Variants in INSL6 observed in about 807,000 individuals in gnomAD.
INSL6 encodes the protein insulin-like peptide INSL6.
INSL6 carries 16 observed loss-of-function variants against 9.4 expected under a neutral mutation model. The observed-to-expected ratio is 1.70, with a 90% CI of 1.15 to 2.59. INSL6 has a LOEUF of 2.59. INSL6 is among the 30% of genes most tolerant of loss of function. The pLI is 0.00. For missense variants in INSL6, 391 were observed against 257.3 expected (o/e 1.52, Z -3.56); for synonymous variants, 154 against 96.9 (o/e 1.59, Z -3.46).
At chr9:5,130,485 A>AT (rs1436942553) in intron 3 of INSL6, among the ~76,000 whole-genome samples, 3 of 152,194 alleles carry the variant, frequency 2.0e-5, no homozygotes, top group African/African-American at 7.2e-5. Flanking sequence ...GTTGCAGATG[A>AT]TAAGACTTGT....
At chr9:5,060,594 C>T in the INSL6 span, among the ~76,000 whole-genome samples, 1 of 152,224 alleles carries the variant, frequency 6.6e-6, no homozygotes, top group African/African-American at 2.4e-5. Context: ...AATTCAGTCA[C>T]ATCTTCAGCT....
chr9:5,028,038 G>A, the INSL6 span, among the ~76,000 whole-genome samples: 4 of 152,100 alleles, frequency 2.6e-5, no homozygotes, highest in African/African-American at 4.8e-5. Context: ...TTTTCATGAC[G>A]TCTAGAATGG....
the INSL6 span, chr9:5,112,663 G>A: frequency 4.2e-6 from 4 of 957,518 alleles, no homozygotes; most frequent in Non-Finnish European, 1.5e-6. Context: ...TCCTTATCCT[G>A]CACCAGGCCG....
At chr9:5,181,501 G>A (rs913599508) in intron 1 of INSL6, among the ~76,000 whole-genome samples, 30 of 151,890 alleles carry the variant, frequency 2.0e-4, no homozygotes. Flanking sequence ...ACCGAGACCA[G>A]AACTAAAAAT....
chr9:5,078,486 C>T, the INSL6 span: 22 of 1,532,384 alleles, frequency 1.4e-5, no homozygotes, highest in Non-Finnish European at 1.6e-5. Context: ...CTAAGCTTTA[C>T]TTGGGCAGTG....
At chr9:5,043,131 G>A in the INSL6 span, among the ~76,000 whole-genome samples, 2 of 152,222 alleles carry the variant, frequency 1.3e-5, no homozygotes, top group African/African-American at 4.8e-5. Context: ...ACCCAGCCCC[G>A]CAGGTGTATG....
At chr9:5,119,720 G>C (rs1274728710), downstream of INSL6, among the ~76,000 whole-genome samples, 1 of 151,996 alleles carries the variant, frequency 6.6e-6, no homozygotes, top group Non-Finnish European at 1.5e-5. Context: ...TGACTTTGGG[G>C]AATAATTAGA....
At chr9:5,131,796 T>C (rs1161654531) in intron 3 of INSL6, among the ~76,000 whole-genome samples, 1 of 152,194 alleles carries the variant, frequency 6.6e-6, no homozygotes, top group Admixed American at 6.5e-5. Context: ...GTGCAGGCTG[T>C]AGGGAGCCCA....
At chr9:4,998,938 CA>C in the INSL6 span, among the ~76,000 whole-genome samples, 3 of 151,872 alleles carry the variant, frequency 2.0e-5, no homozygotes, top group African/African-American at 7.3e-5. Context: ...TCTCCTGCCT[CA>C]GCCTCCGGAG....
chr9:5,098,127 G>A, the INSL6 span: 1 of 152,068 alleles, frequency 6.6e-6, no homozygotes, highest in East Asian at 1.9e-4. Context: ...CAACCATCTA[G>A]TAATTTAGAG....
At chr9:5,131,515 G>A (rs1322449360) in intron 3 of INSL6, among the ~76,000 whole-genome samples, 4 of 143,872 alleles carry the variant, frequency 2.8e-5, no homozygotes, top group Admixed American at 1.4e-4. Flanking sequence ...TCGGCTCACT[G>A]CAACCTCCAC....
chr9:5,065,523 A>G, the INSL6 span, among the ~76,000 whole-genome samples: 1 of 152,236 alleles, frequency 6.6e-6, no homozygotes, highest in African/African-American at 2.4e-5. Flanking sequence ...GCTGTGTAAC[A>G]CAGCAGCCAC....
At chr9:5,105,579 G>A in the INSL6 span, among the ~76,000 whole-genome samples, 1 of 152,068 alleles carries the variant, frequency 6.6e-6, no homozygotes, top group Admixed American at 6.5e-5. Context: ...AAGTTCATAT[G>A]GAACCAAAAA....
chr9:5,028,067 T>G, the INSL6 span, among the ~76,000 whole-genome samples: 2 of 152,232 alleles, frequency 1.3e-5, no homozygotes, highest in Non-Finnish European at 2.9e-5. Flanking sequence ...TTCCATAAGT[T>G]TTTTTATTTA....
downstream of INSL6, among the ~76,000 whole-genome samples, chr9:5,162,148 TC>T (rs1248332333): frequency 6.6e-6 from 1 of 152,110 alleles, no homozygotes; most frequent in Non-Finnish European, 1.5e-5. Flanking sequence ...AGGATTAAAA[TC>T]TTGATCCAGT....
At chr9:5,127,260 A>G (rs1321390489) in intron 3 of INSL6, 1 of 232,440 alleles carries the variant, frequency 4.3e-6, no homozygotes, top group East Asian at 6.0e-5. Context: ...ATTTTTCCAT[A>G]GTTAATCTAT....
chr9:5,122,881 G>A, downstream of INSL6: 1 of 590,910 alleles, frequency 1.7e-6, no homozygotes, highest in Non-Finnish European at 2.9e-6. Flanking sequence ...GAAGCCTCAG[G>A]CCTGCTGTGA....
At chr9:5,173,253 A>T (rs1177118223) in intron 1 of INSL6, among the ~76,000 whole-genome samples, 2 of 152,222 alleles carry the variant, frequency 1.3e-5, no homozygotes, top group African/African-American at 4.8e-5. Flanking sequence ...TTGACCCAGC[A>T]ATACCATTAT....
the INSL6 span, among the ~76,000 whole-genome samples, chr9:5,031,830 G>C: frequency 1.3e-5 from 2 of 152,210 alleles, no homozygotes; most frequent in Admixed American, 1.3e-4. Context: ...CCCAGCATGG[G>C]CGATGCAGAA....
Sources: gnomAD v4.1 joint callset for allele counts (sites outside exome capture counted in the v4.1 genomes callset) on GRCh38, gnomAD v4.1.1 for gene constraint, MANE v1.5 for transcripts, NCBI Gene and HGNC (gene_info 2026-07-23, HGNC 2026-07-21) for gene names.